MPPED1: variants seen among roughly 807,000 people sequenced by gnomAD.
MPPED1 encodes the protein metallophosphoesterase domain containing 1, also known as metallophosphoesterase domain-containing protein 1.
MPPED1 carries 16 observed loss-of-function variants against 36.2 expected under a neutral mutation model. The ratio of observed to expected loss-of-function variants is 0.44; its 90% CI spans 0.30 to 0.67. The LOEUF is 0.67. Among genes scored for constraint, MPPED1 ranks in the 30% least tolerant of loss-of-function variants. MPPED1 has a pLI of 0.10. For synonymous variants in MPPED1, 199 were observed against 191.3 expected (o/e 1.04, Z -0.33); for missense variants, 307 against 453.4 (o/e 0.68, Z 2.93).
Position 43,442,829 on chromosome 22 carries a change from C to T in MPPED1, c.406+7614C>T, listed in dbSNP as rs542768508. ...ACTCAGCCCCTCCTGGCACTTAGGG[C>T]CCTGCCGGTTCACGTACCTCCCAGT... On this transcript the variant is annotated intron_variant, in intron 3 of 6. Transcript: ENST00000443721. Among the ~76,000 whole-genome samples the T allele has an allele frequency of 3.1e-4, 47 of 152,330 alleles. No individual in the cohort carries two copies. The South Asian group carries it at 4.1e-3, about 13-fold the overall frequency.
At chr22:43,420,937 A>C (rs753005596) in intron 1 of MPPED1, among the ~76,000 whole-genome samples, 12 of 152,190 alleles carry the variant, frequency 7.9e-5, no homozygotes, top group Non-Finnish European at 1.6e-4. Flanking sequence ...TGGTTGTTGA[A>C]TAAGTCATGC....
At position 43,451,166 on chromosome 22, in the gene MPPED1, C is replaced by G. The variant is rs532353875; in HGVS notation, c.406+15951C>G. Among the ~76,000 whole-genome samples the G allele has an allele frequency of 8.9e-4, 136 of 152,026 alleles. 1 individual carries two copies. Among genetic ancestry groups the G allele is most frequent in the African/African-American group, 3.2e-3 (132 of 41,394 alleles). On this transcript the variant is annotated intron_variant, in intron 3 of 6. Transcript: ENST00000443721. ...GGACTACAGGCGTGCGCCACCACACCCAGTTAATTTTTGTATTTTTAATAG... is the reference window on the plus strand; with the variant it reads ...GGACTACAGGCGTGCGCCACCACACGCAGTTAATTTTTGTATTTTTAATAG...
chr22:43,490,572 G>A (rs1487268805), intron 4 of MPPED1, among the ~76,000 whole-genome samples: 3 of 152,174 alleles, frequency 2.0e-5, no homozygotes, highest in Non-Finnish European at 2.9e-5. Context: ...ATATGTTTCC[G>A]AGTGTTTCCT....
intron 3 of MPPED1, among the ~76,000 whole-genome samples, chr22:43,468,818 G>A (rs949818509): frequency 1.3e-5 from 2 of 152,118 alleles, no homozygotes; most frequent in African/African-American, 4.8e-5. Context: ...AAGAAGGTGG[G>A]CATTCAGCCT....
chr22:43,482,539 T>C (rs1367284467), intron 4 of MPPED1, among the ~76,000 whole-genome samples: 1 of 152,178 alleles, frequency 6.6e-6, no homozygotes, highest in Non-Finnish European at 1.5e-5. Context: ...CACATCCTGG[T>C]ACGTGGCTCC....
chr22:43,444,276 T>TGG (rs1555945959), intron 3 of MPPED1, among the ~76,000 whole-genome samples: 1,205 of 106,222 alleles, frequency 0.011, 18 homozygotes, highest in African/African-American at 0.035. Context: ...TGAGACCCAC[T>TGG]GGGGTGTGTG....
At chr22:43,440,335 C>T (rs926294749) in intron 3 of MPPED1, among the ~76,000 whole-genome samples, 5 of 152,178 alleles carry the variant, frequency 3.3e-5, no homozygotes, top group South Asian at 2.1e-4. Context: ...GTCTCAAGGA[C>T]GAGGCTAGAA....
intron 1 of MPPED1, among the ~76,000 whole-genome samples, chr22:43,417,397 T>C (rs948932910): frequency 4.6e-5 from 7 of 151,494 alleles, no homozygotes; most frequent in Admixed American, 2.6e-4. Context: ...CGAGGTCTGA[T>C]TTTTTTTCTC....
chr22:43,418,395 A>C (rs1469892230), intron 1 of MPPED1: 1 of 336,908 alleles, frequency 3.0e-6, no homozygotes, highest in Non-Finnish European at 5.9e-6. Context: ...GATCTTCCTC[A>C]CACATCTTCG....
At chr22:43,487,102 A>G (rs543892380) in intron 4 of MPPED1, among the ~76,000 whole-genome samples, 1 of 152,134 alleles carries the variant, frequency 6.6e-6, no homozygotes, top group South Asian at 2.1e-4. Context: ...TCATTCATTC[A>G]TGGCCGTCTT....
At chr22:43,464,289 C>CTGTGTGTGTG (rs1491290628) in intron 3 of MPPED1, among the ~76,000 whole-genome samples, 2 of 105,100 alleles carry the variant, frequency 1.9e-5, no homozygotes, top group African/African-American at 8.8e-5. Flanking sequence ...TGTTGGTCAG[C>CTGTGTGTGTG]TCTGTGTGTG....
At chr22:43,440,147 C>T (rs946368072) in intron 3 of MPPED1, among the ~76,000 whole-genome samples, 3 of 152,368 alleles carry the variant, frequency 2.0e-5, no homozygotes, top group Non-Finnish European at 2.9e-5. Context: ...TGTCTGTCAG[C>T]TGGCCATGGT....
At position 43,474,595 on chromosome 22, in the gene MPPED1, G is replaced by C. The variant is rs1454501946; in HGVS notation, c.407-141G>C. On this transcript the variant is annotated intron_variant, in intron 3 of 6. Transcript: ENST00000443721. This position sits in a 1 kb window ranked among gnomAD's most constrained non-coding sequence, Gnocchi z 5.2. Reference sequence around the variant, plus strand: ...CAGCCTGCCCTATGAGTACAAGATCGTGATCGCGGGCAACCACGAGCTGAC... The same window carrying C: ...CAGCCTGCCCTATGAGTACAAGATCCTGATCGCGGGCAACCACGAGCTGAC... The C allele has an allele frequency of 3.3e-6, 5 of 1,520,304 alleles. No individual in the cohort carries two copies. The highest frequency in any genetic ancestry group is 4.5e-6 in the Non-Finnish European group (5 of 1,112,062). 94.2% of individuals were successfully genotyped at this position (1,520,304 alleles called of 1,614,324 possible).
chr22:43,505,857 C>G lies in MPPED1; in HGVS notation c.*241C>G, dbSNP rs1569094278. 1 of 489,708 alleles carries G rather than the reference C, an allele frequency of 2.0e-6. No homozygotes were observed. The highest frequency in any genetic ancestry group is 3.6e-6 in the Non-Finnish European group (1 of 274,408). The allele number at this position is 489,708 out of a possible 1,614,324, so 30.3% of individuals were successfully genotyped here. ...TTCTGCGTGTACATCCTGCGTGTAC[C>G]TCGTTAAAGGACCTACTAAGCTCAT... On this transcript the variant is annotated 3_prime_UTR_variant, in exon 7 of 7. Transcript: ENST00000443721.
At position 43,502,587 on chromosome 22, in the gene MPPED1, G is replaced by A; in HGVS notation, c.749-57G>A. On this transcript the variant is annotated intron_variant, in intron 5 of 6. Transcript: ENST00000443721. The surrounding 1 kb of genome is among the most constrained non-coding windows in gnomAD (Gnocchi z 5.5). Reference sequence around the variant, plus strand: ...TGCAGAAGCTGCTGCTAGGCGTGGGGCAGTGAGGGGCTGGGACAGACCGCG... The same window carrying A: ...TGCAGAAGCTGCTGCTAGGCGTGGGACAGTGAGGGGCTGGGACAGACCGCG... The A allele has an allele frequency of 1.4e-6, 2 of 1,380,428 alleles. No homozygotes were observed. Among genetic ancestry groups the A allele is most frequent in the South Asian group, 1.2e-5 (1 of 86,122 alleles). The allele number at this position is 1,380,428 out of a possible 1,614,324, so 85.5% of individuals were successfully genotyped here.
intron 3 of MPPED1, among the ~76,000 whole-genome samples, chr22:43,462,346 C>A (rs1930983553): frequency 6.6e-6 from 1 of 152,192 alleles, no homozygotes; most frequent in African/African-American, 2.4e-5. Context: ...ATAGCAGCCT[C>A]CTCCCGAGGC....
chr22:43,414,204 C>G (rs953959229), intron 1 of MPPED1, among the ~76,000 whole-genome samples: 1 of 152,194 alleles, frequency 6.6e-6, no homozygotes. Context: ...AAATTCCCAG[C>G]TCACCCATGA....
In MPPED1 at chr22:43,495,625, G is replaced by C. The variant is rs373914436; in HGVS notation, c.633-2610G>C. On this transcript the variant is annotated intron_variant, in intron 4 of 6. Coordinates refer to ENST00000443721, the MANE Select transcript of MPPED1 (RefSeq NM_001044370.2). ...TGATGGTGGAGGTAGTAGTGGTGGA[G>C]ATGGTGGTGGTGGAGGTGATGGTGG... Among the ~76,000 whole-genome samples, 9 of 92,170 alleles carry C rather than the reference G, an allele frequency of 9.8e-5. No individual in the cohort carries two copies. In the East Asian group the frequency reaches 2.4e-3, roughly 25 times the overall value. 60.5% of individuals were successfully genotyped at this position (92,170 alleles called of 152,430 possible).
intron 4 of MPPED1, among the ~76,000 whole-genome samples, chr22:43,478,898 C>T (rs931728552): frequency 6.6e-6 from 1 of 152,170 alleles, no homozygotes; most frequent in Admixed American, 6.5e-5. Context: ...GCGTGCGACA[C>T]TACCCTACGA....
Sources: gnomAD v4.1 joint callset for allele counts (sites outside exome capture counted in the v4.1 genomes callset) on GRCh38, gnomAD v4.1.1 for gene constraint, Gnocchi (gnomAD v3.1) non-coding constraint, MANE v1.5 for transcripts, NCBI Gene and HGNC (gene_info 2026-07-23, HGNC 2026-07-21) for gene names.